CD69: variants seen among roughly 807,000 people sequenced by gnomAD.
CD69 encodes early activation antigen CD69.
A neutral mutation model predicts 21.4 loss-of-function variants in CD69; 10 were observed. The ratio of observed to expected loss-of-function variants is 0.47; its 90% CI spans 0.29 to 0.79. The LOEUF is 0.79. CD69 is among the 30% of genes least tolerant of loss of function. CD69 has a pLI of 0.09. For synonymous variants in CD69, 63 were observed against 78.2 expected, an observed-to-expected ratio of 0.81 and a Z score of 1.03; for missense variants, 204 against 236.9, an observed-to-expected ratio of 0.86 and a Z score of 0.91.
chr12:9,759,888 C>G (rs1385437938), intron 1 of CD69, among the ~76,000 whole-genome samples: 1 of 151,818 alleles, frequency 6.6e-6, no homozygotes, highest in Non-Finnish European at 1.5e-5. Context: ...AGGCAAAATC[C>G]CAGTAACAGG....
rs756191117 is a variant in CD69 at position 9,754,576 on chromosome 12, T to G, written c.491+11A>C. 9.2e-6 allele frequency: 14 copies of G among 1,515,776 alleles called. No homozygotes were observed. Among genetic ancestry groups the G allele is most frequent in the Middle Eastern group, 1.7e-4 (1 of 5,830 alleles). The allele number at this position is 1,515,776 out of a possible 1,614,324, so 93.9% of individuals were successfully genotyped here. ...ACCCTGGGGAATATAAAGAGACTTC[T>G]GGAGACTTACCAGTTGTTAAATTCT... On this transcript the variant is annotated intron_variant, in intron 4 of 4. Transcript: ENST00000228434.
intron 2 of CD69, 193 bp downstream of exon 2, chr12:9,756,104 A>C (rs1866677066): frequency 2.7e-6 from 1 of 372,536 alleles, no homozygotes; most frequent in South Asian, 8.7e-5. Flanking sequence ...TACTTATAAA[A>C]GTATTACATT....
rs756958231 is a variant in CD69 at position 9,753,633 on chromosome 12, T to C, written c.492-44A>G. 3.0e-5 allele frequency: 28 copies of C among 925,778 alleles called. No homozygotes were observed. The African/African-American group carries it at 3.8e-4, about 13-fold the overall frequency. The allele number at this position is 925,778 out of a possible 1,614,324, so 57.3% of individuals were successfully genotyped here. Reference sequence around the variant, plus strand: ...ACTTAGAATTATTTTCAGCTCATTGTTTTCATTCAGTTACATGAGAATGAA... The same window carrying C: ...ACTTAGAATTATTTTCAGCTCATTGCTTTCATTCAGTTACATGAGAATGAA... On this transcript the variant is annotated intron_variant, in intron 4 of 4. Coordinates refer to ENST00000228434, the MANE Select transcript of CD69 (RefSeq NM_001781.2).
Position 9,753,257 on chromosome 12 carries a change from C to A in CD69, c.*224G>T. 1 of 322,838 alleles carries A rather than the reference C, an allele frequency of 3.1e-6. No individual in the cohort carries two copies. 20.0% of individuals were successfully genotyped at this position (322,838 alleles called of 1,614,324 possible). A position where few individuals can be genotyped will look rare whatever the true frequency, so the allele number is the denominator to read the frequency against. ...TTCTTGGGCATGGTTATTGGTCAAC[C>A]TGTGATGCTTCTAGCTCATGGCAAT... On this transcript the variant is annotated 3_prime_UTR_variant, in exon 5 of 5. Transcript: ENST00000228434.
rs917911 is a variant in CD69 at position 9,753,255 on chromosome 12, A to C, written c.*226T>G. ...CATTCTTGGGCATGGTTATTGGTCA[A>C]CCTGTGATGCTTCTAGCTCATGGCA... On this transcript the variant is annotated 3_prime_UTR_variant, in exon 5 of 5. Transcript: ENST00000228434. 0.34 allele frequency: 106,265 copies of C among 316,062 alleles called. 20,467 individuals are homozygous for C. Among genetic ancestry groups the C allele is most frequent in the East Asian group, 0.61 (11,388 of 18,750 alleles). 19.6% of individuals were successfully genotyped at this position (316,062 alleles called of 1,614,324 possible). A position where few individuals can be genotyped will look rare whatever the true frequency, so the allele number is the denominator to read the frequency against.
At chr12:9,760,625 T>C (rs1233253310) in intron 1 of CD69, 132 bp downstream of exon 1, 6 of 644,588 alleles carry the variant, frequency 9.3e-6, no homozygotes, top group Non-Finnish European at 1.6e-5. Context: ...ATCACATACA[T>C]AGAGATTAGC....
chr12:9,758,461 A>G (rs758933868), intron 1 of CD69, among the ~76,000 whole-genome samples: 1 of 152,336 alleles, frequency 6.6e-6, no homozygotes, highest in African/African-American at 2.4e-5. Flanking sequence ...CCCTTAAAAC[A>G]TTTATCTAAA....
Position 9,756,337 on chromosome 12 carries a change from G to A in CD69, c.147C>T (p.Val49=). ...GAGCTATGATTAAAATGGTGATGAA[G>A]ACCACATTCATTACAGCACACAGGA... is the stretch of plus-strand genomic sequence containing the variant. The part of the protein sequence containing the change: ...VPVLCAVMNV[V]FITILIIALI... Residue 49 remains valine, a synonymous_variant, in exon 2 of 5, where the codon GTC becomes GTT. Transcript: ENST00000228434. 1 of 1,613,168 alleles carries A rather than the reference G, an allele frequency of 6.2e-7. No homozygotes were observed. Among genetic ancestry groups the A allele is most frequent in the Non-Finnish European group, 8.5e-7 (1 of 1,179,292 alleles).
rs1866643856 is a variant in CD69, at chr12:9,753,203, A to G, written c.*278T>C. ...CTGGATTCAAAATAATATAAAGTGC[A>G]TCCAAAGGTTGCATAGTCATTCTTC... On this transcript the variant is annotated 3_prime_UTR_variant, in exon 5 of 5. Transcript: ENST00000228434. The G allele has an allele frequency of 4.6e-6, 1 of 219,752 alleles. No homozygotes were observed. The highest frequency in any genetic ancestry group is 8.9e-6 in the Non-Finnish European group (1 of 112,198). 13.6% of individuals were successfully genotyped at this position (219,752 alleles called of 1,614,324 possible). A position where few individuals can be genotyped will look rare whatever the true frequency, so the allele number is the denominator to read the frequency against.
chr12:9,755,040 T>G, intron 3 of CD69, 22 bp downstream of exon 3: 1 of 1,598,034 alleles, frequency 6.3e-7, no homozygotes. Flanking sequence ...ATAGTAGTAT[T>G]TTATCTTTTT....
chr12:9,760,665 T>C, intron 1 of CD69, 92 bp downstream of exon 1: 1 of 879,888 alleles, frequency 1.1e-6, no homozygotes, highest in Non-Finnish European at 1.9e-6. Context: ...ATATATCATA[T>C]ATAGAGAGAT....
chr12:9,759,016 G>A (rs3136572), intron 1 of CD69, among the ~76,000 whole-genome samples: 16,102 of 151,364 alleles, frequency 0.11, 865 homozygotes, highest in Middle Eastern at 0.18. Flanking sequence ...TGCAAGCTCC[G>A]CCTCCCGGGT....
In CD69 at chr12:9,759,077, C is replaced by A. The variant is rs757397882; in HGVS notation, c.64+1680G>T. Among the ~76,000 whole-genome samples, 270 of 152,072 alleles carry A rather than the reference C, an allele frequency of 1.8e-3. 1 individual carries two copies. Among genetic ancestry groups the A allele is most frequent in the African/African-American group, 6.1e-3 (253 of 41,468 alleles). On this transcript the variant is annotated intron_variant, in intron 1 of 4. Coordinates refer to ENST00000228434, the MANE Select transcript of CD69 (RefSeq NM_001781.2). ...CCTAAGTAGCTGGGACTACAGGCGC[C>A]CGCCCCCACGCCCGGCTAACTTTTT... is the stretch of plus-strand genomic sequence containing the variant.
intron 2 of CD69, 69 bp downstream of exon 2, chr12:9,756,228 T>G: frequency 1.4e-6 from 2 of 1,450,244 alleles, no homozygotes; most frequent in East Asian, 2.3e-5. Context: ...TAAACTAATA[T>G]TGATTTCAGC....
chr12:9,756,239 T>G, intron 2 of CD69, 58 bp downstream of exon 2: 1 of 1,503,474 alleles, frequency 6.7e-7, no homozygotes, highest in African/African-American at 1.4e-5. Context: ...TGATTTCAGC[T>G]GGGCATGAAT....
intron 1 of CD69, among the ~76,000 whole-genome samples, chr12:9,757,514 C>T (rs1866688926): frequency 1.3e-5 from 2 of 152,000 alleles, no homozygotes; most frequent in South Asian, 4.1e-4. Context: ...TCCAAATATC[C>T]ACCAACAGGA....
In CD69 at chr12:9,752,861, A is replaced by C. The variant is rs1232948886; in HGVS notation, c.*620T>G. 4 of 152,618 alleles carry C rather than the reference A, an allele frequency of 2.6e-5. No homozygotes were observed. Among genetic ancestry groups the C allele is most frequent in the Non-Finnish European group, 5.9e-5 (4 of 68,026 alleles). 9.5% of individuals were successfully genotyped at this position (152,618 alleles called of 1,614,324 possible). ...GAAAAGGACCTGTCTACAGCTGAGGAAGTAAAAAAATAAATACATGATCAT... is the reference window on the plus strand; with the variant it reads ...GAAAAGGACCTGTCTACAGCTGAGGCAGTAAAAAAATAAATACATGATCAT... On this transcript the variant is annotated 3_prime_UTR_variant, in exon 5 of 5. Coordinates refer to ENST00000228434, the MANE Select transcript of CD69 (RefSeq NM_001781.2).
intron 1 of CD69, among the ~76,000 whole-genome samples, chr12:9,759,361 C>T (rs1189491802): frequency 6.6e-6 from 1 of 152,080 alleles, no homozygotes; most frequent in Non-Finnish European, 1.5e-5. Context: ...CCAAGGATAA[C>T]GTCCAAGGAT....
intron 1 of CD69, among the ~76,000 whole-genome samples, chr12:9,758,086 T>C (rs1866696848): frequency 6.6e-6 from 1 of 151,942 alleles, no homozygotes; most frequent in South Asian, 2.1e-4. Context: ...ACAAGCAGTG[T>C]TTCTATGGAA....
Sources: gnomAD v4.1 joint callset for allele counts (sites outside exome capture counted in the v4.1 genomes callset) on GRCh38, gnomAD v4.1.1 for gene constraint, MANE v1.5 for transcripts, NCBI Gene and HGNC (gene_info 2026-07-23, HGNC 2026-07-21) for gene names.